The following HEATR5B variants were observed in gnomAD, a reference collection of about 807,000 sequenced individuals.
HEATR5B encodes the protein HEAT repeat containing 5B.
In HEATR5B, 156 loss-of-function variants were observed where a neutral mutation model predicts 224.1. The observed-to-expected ratio is 0.70, with a 90% CI of 0.61 to 0.80. The LOEUF (loss-of-function observed/expected upper bound fraction) is 0.80, where lower values mean the gene tolerates loss of function less well. Ranked by LOEUF, HEATR5B falls within the 30% of genes least tolerant of loss-of-function variation. The probability of loss-of-function intolerance (pLI) is 0.00; values close to 1 mark genes in which losing one functional copy is unlikely to be tolerated. For synonymous variants in HEATR5B, 1,027 were observed against 893.0 expected (o/e 1.15, Z -2.68); for missense variants, 2,323 against 2,535.5 (o/e 0.92, Z 1.80).
intron 27 of HEATR5B, among the ~76,000 whole-genome samples, chr2:37,011,283 G>C (rs1476371263): frequency 1.3e-5 from 2 of 152,194 alleles, no homozygotes; most frequent in African/African-American, 4.8e-5. Context: ...GGAACAGCCA[G>C]AGCAAGAGCA....
rs57363700 is a variant in HEATR5B, at chr2:36,993,830, A to G, written c.5546-3031T>C. On this transcript the variant is annotated intron_variant, in intron 33 of 35. Transcript: ENST00000233099. ...ATACATTGAATCTAACCTGAGAGGA[A>G]AAAAAAAAATTAGACAATTCTAAAC... 4.8e-5 allele frequency among the ~76,000 whole-genome samples: 3 copies of G among 62,898 alleles called. 1 individual carries two copies. The highest frequency in any genetic ancestry group is 9.3e-4 in the South Asian group (2 of 2,148). The allele number at this position is 62,898 out of a possible 152,430, so 41.3% of individuals were successfully genotyped here. A position where few individuals can be genotyped will look rare whatever the true frequency, so the allele number is the denominator to read the frequency against.
intron 8 of HEATR5B, among the ~76,000 whole-genome samples, chr2:37,068,354 C>A (rs1558371626): frequency 6.6e-6 from 1 of 152,086 alleles, no homozygotes; most frequent in Non-Finnish European, 1.5e-5. Flanking sequence ...TATAAAACAA[C>A]AGGCTCTAAA....
chr2:37,060,044 G>A (rs1023955258), intron 12 of HEATR5B, among the ~76,000 whole-genome samples: 1 of 152,022 alleles, frequency 6.6e-6, no homozygotes, highest in Non-Finnish European at 1.5e-5. Context: ...GTTATCAAAC[G>A]AAACAAAACC....
chr2:37,038,853 T>A (rs1255017998), intron 20 of HEATR5B, among the ~76,000 whole-genome samples: 1 of 134,128 alleles, frequency 7.5e-6, no homozygotes, highest in Non-Finnish European at 1.6e-5. Flanking sequence ...CGAGCTGAGA[T>A]CACGCCACTG....
intron 18 of HEATR5B, among the ~76,000 whole-genome samples, chr2:37,045,609 G>C (rs538382422): frequency 2.6e-4 from 39 of 152,234 alleles, no homozygotes; most frequent in African/African-American, 8.9e-4. Context: ...TAGTTTCCTT[G>C]TATTCTGCAC....
At chr2:37,067,283 C>T (rs982762903) in intron 8 of HEATR5B, among the ~76,000 whole-genome samples, 4 of 152,172 alleles carry the variant, frequency 2.6e-5, no homozygotes, top group Admixed American at 1.3e-4. Context: ...ATCTGGCTTG[C>T]TATTTTACTC....
chr2:37,071,340 G>C lies in HEATR5B; in HGVS notation c.769+770C>G, dbSNP rs552204038. Among the ~76,000 whole-genome samples the C allele has an allele frequency of 7.9e-5, 12 of 152,294 alleles. 1 individual carries two copies. Among genetic ancestry groups the C allele is most frequent in the Admixed American group, 7.2e-4 (11 of 15,300 alleles). Reference sequence around the variant, plus strand: ...CTGGGGCAGGGTTCACTCAGCATCTGCTCACAGGCACCCCTGAGATATCTC... The same window carrying C: ...CTGGGGCAGGGTTCACTCAGCATCTCCTCACAGGCACCCCTGAGATATCTC... On this transcript the variant is annotated intron_variant, in intron 6 of 35. Coordinates refer to ENST00000233099, the MANE Select transcript of HEATR5B (RefSeq NM_019024.3).
At chr2:37,053,884 C>T (rs994858701) in intron 16 of HEATR5B, among the ~76,000 whole-genome samples, 4 of 151,438 alleles carry the variant, frequency 2.6e-5, no homozygotes, top group African/African-American at 9.7e-5. Context: ...TCCAACAAAG[C>T]GCCTGGCATC....
Position 37,060,666 on chromosome 2 carries a change from G to C in HEATR5B, c.1764C>G (p.Ser588=), listed in dbSNP as rs576434383. Residue 588 remains serine (S), a synonymous_variant, in exon 12 of 36, where the codon TCC becomes TCG. Transcript: ENST00000233099. ...LLLWRNVFPR[S]LKELEAEKAR... is the part of the protein sequence containing the mutation. ...CCTTCTCAGCTTCCAATTCCTTTAA[G>C]GAACGTGGGAAAACATTTCGCCACA... 4 of 1,613,786 alleles carry C rather than the reference G, an allele frequency of 2.5e-6. No individual in the cohort carries two copies. The highest frequency in any genetic ancestry group is 1.6e-4 in the Middle Eastern group (1 of 6,082).
intron 18 of HEATR5B, among the ~76,000 whole-genome samples, chr2:37,042,275 A>G (rs1669920103): frequency 6.6e-6 from 1 of 152,232 alleles, no homozygotes; most frequent in Non-Finnish European, 1.5e-5. Flanking sequence ...GGGTCTTCAA[A>G]AAGTTTATGG....
chr2:37,046,734 T>A (rs896192144), intron 18 of HEATR5B, among the ~76,000 whole-genome samples: 3 of 151,464 alleles, frequency 2.0e-5, no homozygotes, highest in Non-Finnish European at 2.9e-5. Context: ...AAATTCTAAG[T>A]GCTGTCACAG....
intron 3 of HEATR5B, among the ~76,000 whole-genome samples, chr2:37,078,796 C>T (rs1360367532): frequency 6.6e-6 from 1 of 152,158 alleles, no homozygotes; most frequent in African/African-American, 2.4e-5. Flanking sequence ...AAATATACTA[C>T]TCCTCCTAGG....
chr2:37,017,417 G>A (rs1468839367), intron 26 of HEATR5B, among the ~76,000 whole-genome samples: 1 of 151,052 alleles, frequency 6.6e-6, no homozygotes, highest in Non-Finnish European at 1.5e-5. Context: ...AGGTGCGGTG[G>A]CTCACACCTG....
At chr2:37,065,278 C>T (rs539942237) in intron 9 of HEATR5B, among the ~76,000 whole-genome samples, 1 of 151,928 alleles carries the variant, frequency 6.6e-6, no homozygotes, top group Non-Finnish European at 1.5e-5. Flanking sequence ...GATTTCTGTT[C>T]CAAAACTTTA....
intron 32 of HEATR5B, among the ~76,000 whole-genome samples, chr2:37,001,937 G>A (rs1480532517): frequency 3.9e-5 from 6 of 152,214 alleles, no homozygotes; most frequent in Admixed American, 2.0e-4. Flanking sequence ...AAAGTGCTGG[G>A]ATTATAGGCA....
intron 1 of HEATR5B, among the ~76,000 whole-genome samples, 181 bp downstream of exon 1, chr2:37,084,088 G>A (rs1301410737): frequency 2.0e-5 from 3 of 152,170 alleles, no homozygotes; most frequent in Admixed American, 2.0e-4. Flanking sequence ...CCAAGAGGCC[G>A]CCGCAAGCCT....
At chr2:37,017,214 G>A (rs61689754) in intron 26 of HEATR5B, among the ~76,000 whole-genome samples, 27,160 of 152,098 alleles carry the variant, frequency 0.18, 3,165 homozygotes, top group East Asian at 0.53. Flanking sequence ...GTGAAACCCC[G>A]TCTCTACCAA....
At chr2:36,983,871 T>C (rs1665750999) in intron 35 of HEATR5B, among the ~76,000 whole-genome samples, 1 of 151,968 alleles carries the variant, frequency 6.6e-6, no homozygotes, top group African/African-American at 2.4e-5. Flanking sequence ...CAACAGTAGG[T>C]TGAAAATTAA....
At chr2:37,032,879 G>GTT in intron 21 of HEATR5B, 106 bp from the exon 22 acceptor site, 12 of 856,914 alleles carry the variant, frequency 1.4e-5, no homozygotes, top group Middle Eastern at 3.6e-4. Context: ...TATATGTTTT[G>GTT]TTTTGTTTTT....
Sources: allele counts gnomAD v4.1 joint callset (sites outside exome capture counted in the v4.1 genomes callset), GRCh38; gene constraint gnomAD v4.1.1; transcripts MANE v1.5; gene names NCBI Gene and HGNC (gene_info 2026-07-23, HGNC 2026-07-21).